Variants in LRRC7 observed in about 807,000 individuals in gnomAD.
LRRC7 encodes the protein leucine-rich repeat-containing protein 7.
Under a neutral mutation model 175.7 loss-of-function variants are expected in LRRC7, and 23 were observed. The ratio of observed to expected loss-of-function variants is 0.13; its 90% CI spans 0.09 to 0.19. LRRC7 has a LOEUF of 0.19. Among genes scored for constraint, LRRC7 ranks in the 10% least tolerant of loss-of-function variants. The probability of loss-of-function intolerance (pLI) is 1.00; values close to 1 mark genes in which losing one functional copy is unlikely to be tolerated. For missense variants in LRRC7, 1,354 were observed against 1,904.7 expected (o/e 0.71, Z 5.38); for synonymous variants, 685 against 680.9 (o/e 1.01, Z -0.09).
intron 1 of LRRC7, among the ~76,000 whole-genome samples, chr1:69,606,111 A>C (rs1446458074): frequency 6.6e-6 from 1 of 152,154 alleles, no homozygotes; most frequent in African/African-American, 2.4e-5. Context: ...CCTTTCATGC[A>C]AGTACAAAAT....
At chr1:69,580,540 ACAAAT>A (rs1425435834) in intron 1 of LRRC7, among the ~76,000 whole-genome samples, 1 of 152,194 alleles carries the variant, frequency 6.6e-6, no homozygotes, top group Non-Finnish European at 1.5e-5. Context: ...CGATTTGTAA[ACAAAT>A]CAAAGACACT....
At chr1:70,013,111 A>G in intron 13 of LRRC7, 22 bp downstream of exon 13, 1 of 1,379,548 alleles carries the variant, frequency 7.2e-7, no homozygotes, top group Non-Finnish European at 1.0e-6. Context: ...ACATTTCACA[A>G]TCACATATTA....
chr1:70,100,588 T>A (rs978781071), intron 25 of LRRC7, among the ~76,000 whole-genome samples: 5 of 152,148 alleles, frequency 3.3e-5, no homozygotes, highest in Non-Finnish European at 7.4e-5. Context: ...TTTACTTTTT[T>A]AAAAATTAAT....
At chr1:69,859,796 T>C (rs1684165386) in intron 7 of LRRC7, among the ~76,000 whole-genome samples, 1 of 152,046 alleles carries the variant, frequency 6.6e-6, no homozygotes, top group Non-Finnish European at 1.5e-5. Context: ...CAGTATGATA[T>C]GTTCATTTTG....
intron 8 of LRRC7, among the ~76,000 whole-genome samples, chr1:69,945,089 G>A (rs1480396701): frequency 1.3e-5 from 2 of 151,950 alleles, no homozygotes; most frequent in Admixed American, 1.3e-4. Flanking sequence ...CAAGAACAAC[G>A]CCAAGAAACT....
intron 2 of LRRC7, among the ~76,000 whole-genome samples, chr1:69,687,691 A>G (rs1661355862): frequency 1.3e-5 from 2 of 151,380 alleles, no homozygotes. Flanking sequence ...AATAACAGAA[A>G]TTCACTGAAG....
At position 70,142,916 on chromosome 1, in the gene LRRC7, T is replaced by TATG. The variant is rs1414377145; in HGVS notation, c.*21031_*21033dup. On this transcript the variant is annotated 3_prime_UTR_variant, in exon 27 of 27. Transcript: ENST00000651989. ...ATGTTTTGGATGTTTTCTAAGTATC[T>TATG]ATGAAAATTATTTTTTCCTAAACGA... 4 of 152,096 alleles carry TATG rather than the reference T, an allele frequency of 2.6e-5. No individual in the cohort carries two copies. Among genetic ancestry groups the TATG allele is most frequent in the Admixed American group, 6.6e-5 (1 of 15,252 alleles). The allele number at this position is 152,096 out of a possible 1,614,324, so 9.4% of individuals were successfully genotyped here. A position where few individuals can be genotyped will look rare whatever the true frequency, so the allele number is the denominator to read the frequency against.
intron 7 of LRRC7, among the ~76,000 whole-genome samples, chr1:69,896,789 G>A (rs1645992338): frequency 6.6e-6 from 1 of 152,008 alleles, no homozygotes; most frequent in African/African-American, 2.4e-5. Context: ...TTTCAGCTTT[G>A]TTTTTATTCT....
At position 70,108,937 on chromosome 1, in the gene LRRC7, T is replaced by A. The variant is rs189822825; in HGVS notation, c.4620+1111T>A. Among the ~76,000 whole-genome samples, 6 of 152,350 alleles carry A rather than the reference T, an allele frequency of 3.9e-5. No individual in the cohort carries two copies. The East Asian group carries it at 7.7e-4, about 20-fold the overall frequency. Reference sequence around the variant, plus strand: ...GAAATCCTAAGATTGCTTTAACATTTCATTCTCAGAAATGTTTTTTGGTTT... The same window carrying A: ...GAAATCCTAAGATTGCTTTAACATTACATTCTCAGAAATGTTTTTTGGTTT... On this transcript the variant is annotated intron_variant, in intron 26 of 26. Transcript: ENST00000651989.
At chr1:69,843,566 T>C (rs1261629286) in intron 7 of LRRC7, among the ~76,000 whole-genome samples, 1 of 152,124 alleles carries the variant, frequency 6.6e-6, no homozygotes, top group Non-Finnish European at 1.5e-5. Flanking sequence ...TTTTATCCCT[T>C]GGGCATCATT....
At chr1:69,647,329 G>T (rs1386262219) in intron 1 of LRRC7, among the ~76,000 whole-genome samples, 1 of 152,160 alleles carries the variant, frequency 6.6e-6, no homozygotes, top group Non-Finnish European at 1.5e-5. Context: ...TGAAACAAAA[G>T]AATGTCTAAT....
At chr1:69,885,943 G>C (rs77407199) in intron 7 of LRRC7, among the ~76,000 whole-genome samples, 1 of 76,436 alleles carries the variant, frequency 1.3e-5, no homozygotes, top group South Asian at 3.9e-4. Context: ...GAGTTTGTTA[G>C]TCCTGAGTTC....
chr1:69,712,395 G>A, intron 2 of LRRC7, among the ~76,000 whole-genome samples: 1 of 152,220 alleles, frequency 6.6e-6, no homozygotes. Context: ...CCTGAGGTCA[G>A]GAGTTTGAGA....
chr1:69,911,898 C>G (rs2101705209), intron 7 of LRRC7, among the ~76,000 whole-genome samples: 1 of 151,264 alleles, frequency 6.6e-6, no homozygotes, highest in East Asian at 1.9e-4. Context: ...ACGGTTAGAC[C>G]TCTGCAGATA....
At chr1:70,115,779 C>T (rs779031308) in intron 26 of LRRC7, among the ~76,000 whole-genome samples, 6 of 152,040 alleles carry the variant, frequency 3.9e-5, no homozygotes, top group Non-Finnish European at 8.8e-5. Flanking sequence ...ATAAAATGAA[C>T]CTGTCATTTA....
In LRRC7 at chr1:70,066,331, G is replaced by T. The variant is rs78861775; in HGVS notation, c.4231-9746G>T. On this transcript the variant is annotated intron_variant, in intron 23 of 26. Coordinates refer to ENST00000651989, the MANE Select transcript of LRRC7 (RefSeq NM_001370785.2). ...GATTGCATAACTAAAAAGTGACAAA[G>T]CAAGGAATAAAACTCAGGTTCATTT... Among the ~76,000 whole-genome samples the T allele has an allele frequency of 4.3e-4, 66 of 152,016 alleles. 2 individuals are homozygous for T. In the East Asian group the frequency reaches 0.012, roughly 28 times the overall value.
At chr1:69,900,209 G>T (rs1461055546) in intron 7 of LRRC7, among the ~76,000 whole-genome samples, 1 of 152,162 alleles carries the variant, frequency 6.6e-6, no homozygotes, top group Non-Finnish European at 1.5e-5. Flanking sequence ...ATAGGAGTCT[G>T]TTGCCTGTGA....
At chr1:70,009,117 G>GA (rs1332786648) in intron 11 of LRRC7, among the ~76,000 whole-genome samples, 1 of 151,674 alleles carries the variant, frequency 6.6e-6, no homozygotes, top group South Asian at 2.1e-4. Flanking sequence ...TATAAAAAAA[G>GA]AAAAAAGAGA....
intron 1 of LRRC7, among the ~76,000 whole-genome samples, chr1:69,660,975 A>T (rs1049614273): frequency 1.3e-5 from 2 of 152,074 alleles, no homozygotes; most frequent in Non-Finnish European, 2.9e-5. Flanking sequence ...ATTTACATTA[A>T]TATAAATAAC....
Sources: gnomAD v4.1 joint callset for allele counts (sites outside exome capture counted in the v4.1 genomes callset) on GRCh38, gnomAD v4.1.1 for gene constraint, MANE v1.5 for transcripts, NCBI Gene and HGNC (gene_info 2026-07-23, HGNC 2026-07-21) for gene names.